The following PPM1B variants were observed in gnomAD, a reference collection of about 807,000 sequenced individuals.
PPM1B encodes protein phosphatase, Mg2+/Mn2+ dependent 1B.
PPM1B carries 22 observed loss-of-function variants against 43.0 expected under a neutral mutation model. The ratio of observed to expected loss-of-function variants is 0.51; its 90% CI spans 0.37 to 0.73. The LOEUF is 0.73. Ranked by LOEUF, PPM1B falls within the 30% of genes least tolerant of loss-of-function variation. PPM1B has a pLI of 0.00. For synonymous variants in PPM1B, 217 were observed against 197.9 expected (o/e 1.10, Z -0.81); for missense variants, 632 against 584.2 (o/e 1.08, Z -0.84).
At chr2:44,170,184 GCTT>G (rs1004873193) in intron 1 of PPM1B, among the ~76,000 whole-genome samples, 4 of 152,178 alleles carry the variant, frequency 2.6e-5, no homozygotes, top group Non-Finnish European at 4.4e-5. Flanking sequence ...CAAAAAAAGT[GCTT>G]CTTAGGCGTT....
chr2:44,192,901 T>C (rs970145158), intron 1 of PPM1B, among the ~76,000 whole-genome samples: 1 of 152,242 alleles, frequency 6.6e-6, no homozygotes, highest in Non-Finnish European at 1.5e-5. Context: ...AGAATTTCCT[T>C]CTTTTTTTAA....
At chr2:44,185,717 G>C (rs1484581738) in intron 1 of PPM1B, among the ~76,000 whole-genome samples, 1 of 151,752 alleles carries the variant, frequency 6.6e-6, no homozygotes. Context: ...AGCTTTTGGA[G>C]AATTATTGAA....
chr2:44,202,141 T>G, intron 2 of PPM1B, 96 bp downstream of exon 2: 2 of 1,210,302 alleles, frequency 1.7e-6, no homozygotes, highest in Non-Finnish European at 2.2e-6. Context: ...ACTTTTAATA[T>G]TTTCACAGAA....
At chr2:44,223,724 G>A (rs1303594093) in intron 5 of PPM1B, among the ~76,000 whole-genome samples, 1 of 149,708 alleles carries the variant, frequency 6.7e-6, no homozygotes, top group African/African-American at 2.5e-5. Context: ...GTTGGGGCAG[G>A]AGAATGGTGT....
intron 1 of PPM1B, among the ~76,000 whole-genome samples, chr2:44,177,223 A>G (rs1329004411): frequency 6.6e-6 from 1 of 152,226 alleles, no homozygotes; most frequent in Non-Finnish European, 1.5e-5. Context: ...TTGGCCATCT[A>G]TCTTAGATTT....
At chr2:44,192,813 C>T (rs1169247483) in intron 1 of PPM1B, among the ~76,000 whole-genome samples, 1 of 152,190 alleles carries the variant, frequency 6.6e-6, no homozygotes, top group East Asian at 1.9e-4. Context: ...TGAGAATATA[C>T]AATATTTGTC....
At chr2:44,187,894 G>T (rs1462639463) in intron 1 of PPM1B, among the ~76,000 whole-genome samples, 1 of 152,040 alleles carries the variant, frequency 6.6e-6, no homozygotes, top group Non-Finnish European at 1.5e-5. Flanking sequence ...GGACTTACAG[G>T]TGCCCGCCAC....
At chr2:44,210,568 C>A (rs1024606341) in intron 3 of PPM1B, among the ~76,000 whole-genome samples, 1 of 152,006 alleles carries the variant, frequency 6.6e-6, no homozygotes, top group Non-Finnish European at 1.5e-5. Flanking sequence ...ACAGGATCTC[C>A]CATGTACATG....
intron 1 of PPM1B, among the ~76,000 whole-genome samples, chr2:44,194,964 T>C (rs1668590800): frequency 7.0e-6 from 1 of 142,432 alleles, no homozygotes; most frequent in African/African-American, 2.6e-5. Flanking sequence ...GGTGGCGCAA[T>C]CACTGCAGCC....
intron 5 of PPM1B, 30 bp downstream of exon 5, chr2:44,218,567 G>C: frequency 1.4e-6 from 2 of 1,451,312 alleles, no homozygotes; most frequent in Non-Finnish European, 1.9e-6. Context: ...ATAAGCATTT[G>C]AAGTAATTTC....
chr2:44,197,628 A>G (rs1443658718), intron 1 of PPM1B, among the ~76,000 whole-genome samples: 2 of 152,120 alleles, frequency 1.3e-5, no homozygotes, highest in African/African-American at 4.8e-5. Context: ...TTATTTTTTA[A>G]AAGGAAGAAA....
chr2:44,243,177 G>C (rs1041182386), intron 5 of PPM1B, among the ~76,000 whole-genome samples: 1 of 152,138 alleles, frequency 6.6e-6, no homozygotes, highest in African/African-American at 2.4e-5. Flanking sequence ...TGATTGGAGC[G>C]GTACTAGAGA....
At chr2:44,190,780 T>C (rs1668372385) in intron 1 of PPM1B, among the ~76,000 whole-genome samples, 1 of 152,210 alleles carries the variant, frequency 6.6e-6, no homozygotes, top group Non-Finnish European at 1.5e-5. Flanking sequence ...CAAGTACCCA[T>C]ATTTTTGTTG....
chr2:44,199,303 C>CAAAAAAAAAAAAAAAA (rs1339815695), intron 1 of PPM1B, among the ~76,000 whole-genome samples: 1 of 66,926 alleles, frequency 1.5e-5, no homozygotes, highest in Admixed American at 1.7e-4. Flanking sequence ...CTGTAGATCT[C>CAAAAAAAAAAAAAAAA]AAAAAAAAAA....
At chr2:44,229,872 A>G (rs1203195914) in intron 5 of PPM1B, 1 of 853,514 alleles carries the variant, frequency 1.2e-6, no homozygotes. Flanking sequence ...TTATCTAGAG[A>G]TGTTTTTATC....
At chr2:44,196,269 T>G (rs1300734457) in intron 1 of PPM1B, among the ~76,000 whole-genome samples, 2 of 152,214 alleles carry the variant, frequency 1.3e-5, no homozygotes. Context: ...TTCCTTGTTT[T>G]TTATCGCCTT....
At position 44,180,756 on chromosome 2, in the gene PPM1B, G is replaced by C. The variant is rs577967654; in HGVS notation, c.-15+11482G>C. Among the ~76,000 whole-genome samples the C allele has an allele frequency of 2.6e-5, 4 of 152,002 alleles. No individual in the cohort carries two copies. In the East Asian group the frequency reaches 7.7e-4, roughly 29 times the overall value. ...TTCTCGAGGAGCTAGGACTACAGGC[G>C]TGGGGCACCATACCTGGCTAAGAAG... On this transcript the variant is annotated intron_variant, in intron 1 of 5. Transcript: ENST00000282412.
intron 5 of PPM1B, among the ~76,000 whole-genome samples, chr2:44,243,127 A>G (rs1670785453): frequency 6.6e-6 from 1 of 152,188 alleles, no homozygotes; most frequent in African/African-American, 2.4e-5. Context: ...TTTCGATGCC[A>G]GCTTTTCCTA....
At chr2:44,211,195 C>T (rs1669450021) in intron 3 of PPM1B, among the ~76,000 whole-genome samples, 1 of 152,136 alleles carries the variant, frequency 6.6e-6, no homozygotes, top group African/African-American at 2.4e-5. Context: ...CCACAGATCC[C>T]ATTTAAATTT....
Sources: gnomAD v4.1 joint callset for allele counts (sites outside exome capture counted in the v4.1 genomes callset) on GRCh38, gnomAD v4.1.1 for gene constraint, MANE v1.5 for transcripts, NCBI Gene and HGNC (gene_info 2026-07-23, HGNC 2026-07-21) for gene names.